The following TENM2 variants were observed in gnomAD, a reference collection of about 807,000 sequenced individuals.
The protein encoded by TENM2 is teneurin transmembrane protein 2.
TENM2 carries 52 observed loss-of-function variants against 245.2 expected under a neutral mutation model. The ratio of observed to expected loss-of-function variants is 0.21; its 90% CI spans 0.17 to 0.27. The LOEUF (loss-of-function observed/expected upper bound fraction) is 0.27, where lower values mean the gene tolerates loss of function less well. TENM2 is among the 10% of genes least tolerant of loss of function. The pLI, the probability that TENM2 is intolerant of heterozygous loss-of-function variation, is 1.00. For synonymous variants in TENM2, 1,363 were observed against 1,438.9 expected, an observed-to-expected ratio of 0.95 and a Z score of 1.19; for missense variants, 3,046 against 3,666.8, an observed-to-expected ratio of 0.83 and a Z score of 4.37.
chr5:167,020,871 T>TGGCC, the TENM2 span, among the ~76,000 whole-genome samples: 15 of 152,242 alleles, frequency 9.9e-5, no homozygotes, highest in Non-Finnish European at 1.5e-5. Flanking sequence ...AGGTCGGGCA[T>TGGCC]GGCCGATCAC....
At chr5:167,751,032 A>T (rs1226782257) in intron 2 of TENM2, among the ~76,000 whole-genome samples, 2 of 152,218 alleles carry the variant, frequency 1.3e-5, no homozygotes, top group Non-Finnish European at 2.9e-5. Flanking sequence ...GAAGGTAGCC[A>T]CAGGGAGGGA....
At chr5:167,993,041 C>T (rs1346259370) in exon 5 of TENM2, 1 of 1,614,004 alleles carries the variant, frequency 6.2e-7, no homozygotes, top group Admixed American at 1.7e-5. Context: ...CACGCCCCCG[C>T]CCCGCCTGCT....
At chr5:167,108,549 T>C in the TENM2 span, among the ~76,000 whole-genome samples, 1 of 152,216 alleles carries the variant, frequency 6.6e-6, no homozygotes, top group Non-Finnish European at 1.5e-5. Flanking sequence ...CATTATACGG[T>C]AACTATCCTC....
chr5:168,027,867 T>C (rs1229972733), intron 5 of TENM2, among the ~76,000 whole-genome samples: 1 of 152,230 alleles, frequency 6.6e-6, no homozygotes, highest in Non-Finnish European at 1.5e-5. Flanking sequence ...GTCTAAGAAG[T>C]GTAGCACATA....
chr5:167,514,771 G>A (rs1357481344), intron 2 of TENM2, among the ~76,000 whole-genome samples: 6 of 152,138 alleles, frequency 3.9e-5, no homozygotes, highest in African/African-American at 1.2e-4. Flanking sequence ...AGCACTTTGG[G>A]AGGCTGAGGG....
chr5:168,227,186 C>G (rs1764274887), intron 24 of TENM2, among the ~76,000 whole-genome samples: 1 of 152,224 alleles, frequency 6.6e-6, no homozygotes, highest in Non-Finnish European at 1.5e-5. Flanking sequence ...ACTCACATTT[C>G]CTTCCCGTAA....
the TENM2 span, among the ~76,000 whole-genome samples, chr5:167,113,170 A>G: frequency 6.6e-6 from 1 of 152,128 alleles, no homozygotes; most frequent in African/African-American, 2.4e-5. Context: ...TCAAAATGTT[A>G]ACTGAGGACG....
chr5:167,056,862 T>C, the TENM2 span, among the ~76,000 whole-genome samples: 7 of 151,672 alleles, frequency 4.6e-5, no homozygotes, highest in African/African-American at 1.4e-4. Flanking sequence ...GGGTCTGTGG[T>C]TTCATTTCTG....
intron 3 of TENM2, among the ~76,000 whole-genome samples, chr5:167,900,245 G>A (rs984746730): frequency 6.6e-6 from 1 of 151,716 alleles, no homozygotes; most frequent in Non-Finnish European, 1.5e-5. Context: ...AGAGAAGCTG[G>A]TGAGCTATGA....
Position 167,452,717 on chromosome 5 carries a change from C to T in TENM2, c.502+77244C>T, listed in dbSNP as rs371854401. On this transcript the variant is annotated intron_variant, in intron 2 of 28. Coordinates refer to ENST00000518659, the Ensembl canonical transcript of TENM2. Reference sequence around the variant, plus strand: ...AGCTCAGATTCTTATTAACACACACCGGGAATTGAACAATGAGACCACTTG... The same window carrying T: ...AGCTCAGATTCTTATTAACACACACTGGGAATTGAACAATGAGACCACTTG... 2.6e-3 allele frequency among the ~76,000 whole-genome samples: 395 copies of T among 150,908 alleles called. 14 individuals are homozygous for T. The South Asian group carries it at 0.081, about 31-fold the overall frequency.
At chr5:168,261,942 C>G in intron 28 of TENM2, 107 bp from the exon 31 acceptor site, 1 of 1,110,878 alleles carries the variant, frequency 9.0e-7, no homozygotes, top group South Asian at 1.6e-5. Flanking sequence ...TGGATAGACC[C>G]AACACTAGTT....
chr5:168,160,901 C>G (rs941865801), intron 12 of TENM2, among the ~76,000 whole-genome samples: 1 of 152,090 alleles, frequency 6.6e-6, no homozygotes, highest in Non-Finnish European at 1.5e-5. Flanking sequence ...CATGGTGGCA[C>G]ACACTTGCAG....
chr5:167,115,364 C>T, the TENM2 span, among the ~76,000 whole-genome samples: 1 of 152,202 alleles, frequency 6.6e-6, no homozygotes, highest in East Asian at 1.9e-4. Context: ...TGGCTCCTCA[C>T]TGCACTTGTG....
chr5:167,832,459 G>A (rs1403077533), intron 2 of TENM2, among the ~76,000 whole-genome samples: 1 of 152,218 alleles, frequency 6.6e-6, no homozygotes, highest in East Asian at 1.9e-4. Flanking sequence ...TGTTCAGAAA[G>A]TATCAAAATA....
chr5:167,603,226 A>G (rs1409255994), intron 2 of TENM2, among the ~76,000 whole-genome samples: 2 of 152,172 alleles, frequency 1.3e-5, no homozygotes, highest in Non-Finnish European at 2.9e-5. Flanking sequence ...AAATTCCATT[A>G]GATATGGTGA....
At chr5:167,072,880 T>G in the TENM2 span, among the ~76,000 whole-genome samples, 3 of 152,214 alleles carry the variant, frequency 2.0e-5, no homozygotes, top group Non-Finnish European at 4.4e-5. Context: ...GGTCTGTATA[T>G]TGCTAGAAAA....
chr5:167,399,757 G>A (rs1416781002), intron 2 of TENM2, among the ~76,000 whole-genome samples: 2 of 152,060 alleles, frequency 1.3e-5, no homozygotes, highest in Non-Finnish European at 2.9e-5. Flanking sequence ...TTTGAAATGG[G>A]CTCAATGTAG....
chr5:167,071,891 C>T, the TENM2 span, among the ~76,000 whole-genome samples: 1 of 148,270 alleles, frequency 6.7e-6, no homozygotes, highest in Admixed American at 6.8e-5. Flanking sequence ...CCCCCCCGCC[C>T]CCAACCCCCA....
chr5:167,847,921 A>T (rs1220784086), intron 2 of TENM2, among the ~76,000 whole-genome samples: 1 of 152,036 alleles, frequency 6.6e-6, no homozygotes, highest in East Asian at 1.9e-4. Context: ...TTTTCTTTTA[A>T]CCTAAGTGCA....
Sources: allele counts gnomAD v4.1 joint callset (sites outside exome capture counted in the v4.1 genomes callset), GRCh38; gene constraint gnomAD v4.1.1; transcripts MANE v1.5; gene names NCBI Gene and HGNC (gene_info 2026-07-23, HGNC 2026-07-21).